The following BMPER variants were observed in gnomAD, a reference collection of about 807,000 sequenced individuals.
BMPER encodes BMP-binding endothelial regulator protein.
Under a neutral mutation model 87.3 loss-of-function variants are expected in BMPER, and 45 were observed. The ratio of observed to expected loss-of-function variants is 0.52; its 90% CI spans 0.41 to 0.66. BMPER has a LOEUF of 0.66. Among genes scored for constraint, BMPER ranks in the 30% least tolerant of loss-of-function variants. BMPER has a pLI of 0.00. For synonymous variants in BMPER, 326 were observed against 316.2 expected (o/e 1.03, Z -0.33); for missense variants, 784 against 867.5 (o/e 0.90, Z 1.21).
rs2127997423 is a variant in BMPER at position 34,153,213 on chromosome 7, A to G, written c.1998A>G (p.Pro666=). 6.2e-7 allele frequency: 1 copy of G among 1,614,130 alleles called. No homozygotes were observed. ...NKPCVAGCHC[P]ANLVLHKGRC... is the part of the protein sequence containing the mutation. ...CGTGCGTTGCTGGGTGCCACTGTCC[A>G]GCAAACTTGGTCCTTCACAAGGGAA... Residue 666 remains proline, a synonymous_variant, in exon 15 of 15, where the codon CCA becomes CCG. Coordinates refer to ENST00000649409, the MANE Select transcript of BMPER (RefSeq NM_001365308.1).
At chr7:33,919,059 T>TG (rs1026894428) in intron 2 of BMPER, among the ~76,000 whole-genome samples, 11 of 152,038 alleles carry the variant, frequency 7.2e-5, no homozygotes, top group East Asian at 1.9e-4. Context: ...TGCACGTGTG[T>TG]GGGGGGGAAT....
intron 2 of BMPER, chr7:33,921,685 C>A: frequency 2.1e-6 from 1 of 465,356 alleles, no homozygotes; most frequent in Non-Finnish European, 4.5e-6. Flanking sequence ...GATGGATTCC[C>A]ACAGGGATAC....
intron 3 of BMPER, among the ~76,000 whole-genome samples, chr7:33,940,397 A>G (rs1784723281): frequency 6.6e-6 from 1 of 152,176 alleles, no homozygotes; most frequent in African/African-American, 2.4e-5. Flanking sequence ...GAATGTGAGT[A>G]AAGGCAAGAA....
chr7:33,952,078 G>T (rs769403240), intron 3 of BMPER, among the ~76,000 whole-genome samples: 20 of 152,202 alleles, frequency 1.3e-4, no homozygotes, highest in Non-Finnish European at 2.4e-4. Flanking sequence ...TCACCTAAAT[G>T]TAATTTTTAG....
chr7:34,096,055 C>T (rs1055233614), intron 13 of BMPER, among the ~76,000 whole-genome samples: 2 of 152,198 alleles, frequency 1.3e-5, no homozygotes, highest in African/African-American at 4.8e-5. Context: ...GTCACATCAC[C>T]AGCAAGGCCT....
At chr7:33,999,821 C>G (rs1786529362) in intron 6 of BMPER, among the ~76,000 whole-genome samples, 1 of 152,202 alleles carries the variant, frequency 6.6e-6, no homozygotes, top group South Asian at 2.1e-4. Flanking sequence ...CACATCTTAT[C>G]CTCCAGGCTT....
chr7:34,037,436 C>T (rs1787709484), intron 6 of BMPER, among the ~76,000 whole-genome samples: 1 of 150,712 alleles, frequency 6.6e-6, no homozygotes, highest in Non-Finnish European at 1.5e-5. Context: ...AGTGCCTGCT[C>T]TGTAACCCCT....
chr7:34,047,815 C>CTTCCTTCCTTCCTTCCT (rs370198631), intron 7 of BMPER, among the ~76,000 whole-genome samples: 2 of 146,548 alleles, frequency 1.4e-5, no homozygotes, highest in Non-Finnish European at 3.0e-5. Context: ...TCCTTTCTTC[C>CTTCCTTCCTTCCTTCCT]TCACTTTCCT....
chr7:34,100,374 G>C (rs761871667), intron 13 of BMPER, among the ~76,000 whole-genome samples: 1 of 152,178 alleles, frequency 6.6e-6, no homozygotes, highest in Non-Finnish European at 1.5e-5. Flanking sequence ...ATGAGAAAAT[G>C]ACATCTGGGC....
intron 2 of BMPER, among the ~76,000 whole-genome samples, chr7:33,934,112 G>C (rs1193820301): frequency 6.6e-6 from 1 of 152,210 alleles, no homozygotes; most frequent in African/African-American, 2.4e-5. Flanking sequence ...AGCCCAGGGG[G>C]TGAGGGAGTC....
At chr7:33,907,663 A>C (rs1478390190) in intron 2 of BMPER, among the ~76,000 whole-genome samples, 1 of 152,242 alleles carries the variant, frequency 6.6e-6, no homozygotes, top group Non-Finnish European at 1.5e-5. Context: ...ATAGACCTAC[A>C]AGGTAAACAT....
At chr7:34,098,236 A>C (rs1426176798) in intron 13 of BMPER, among the ~76,000 whole-genome samples, 3 of 152,136 alleles carry the variant, frequency 2.0e-5, no homozygotes, top group Non-Finnish European at 4.4e-5. Context: ...AAAACACTGG[A>C]TACAATGCAG....
chr7:34,044,733 G>A (rs115146060), intron 6 of BMPER, among the ~76,000 whole-genome samples: 2,010 of 152,110 alleles, frequency 0.013, 56 homozygotes, highest in African/African-American at 0.046. Context: ...TGGTATTTTC[G>A]CATGTTCTCT....
At chr7:33,910,516 G>A (rs1783931700) in intron 2 of BMPER, among the ~76,000 whole-genome samples, 2 of 152,204 alleles carry the variant, frequency 1.3e-5, no homozygotes, top group South Asian at 4.1e-4. Flanking sequence ...AGTGAGTTGG[G>A]CCCAGTACTG....
At chr7:34,094,641 C>T (rs1789482178) in intron 13 of BMPER, among the ~76,000 whole-genome samples, 1 of 152,212 alleles carries the variant, frequency 6.6e-6, no homozygotes, top group Admixed American at 6.5e-5. Flanking sequence ...TTCTGAGCTC[C>T]TTAACTTGCA....
At chr7:33,968,739 C>A (rs553467147) in intron 4 of BMPER, among the ~76,000 whole-genome samples, 9 of 152,280 alleles carry the variant, frequency 5.9e-5, no homozygotes, top group South Asian at 4.1e-4. Context: ...TGGCCTAGTT[C>A]CATTTGAATT....
intron 6 of BMPER, among the ~76,000 whole-genome samples, chr7:34,021,744 C>G (rs922534856): frequency 1.3e-5 from 2 of 152,006 alleles, no homozygotes; most frequent in Admixed American, 1.3e-4. Context: ...CTTGATAAAC[C>G]TCATTCCTGG....
intron 11 of BMPER, among the ~76,000 whole-genome samples, chr7:34,068,941 A>T (rs1308063112): frequency 6.6e-6 from 1 of 152,236 alleles, no homozygotes; most frequent in Non-Finnish European, 1.5e-5. Flanking sequence ...TCCAGTATTC[A>T]TTCTACAGGC....
intron 10 of BMPER, among the ~76,000 whole-genome samples, chr7:34,061,722 A>G (rs991724461): frequency 2.0e-5 from 3 of 152,188 alleles, no homozygotes; most frequent in Non-Finnish European, 4.4e-5. Flanking sequence ...TCTTCCTTCC[A>G]TGTGAGAAAA....
Sources: allele counts gnomAD v4.1 joint callset (sites outside exome capture counted in the v4.1 genomes callset), GRCh38; gene constraint gnomAD v4.1.1; transcripts MANE v1.5; gene names NCBI Gene and HGNC (gene_info 2026-07-23, HGNC 2026-07-21).